The following HTT variants were observed in gnomAD, a reference collection of about 807,000 sequenced individuals.
HTT encodes huntingtin.
HTT carries 104 observed loss-of-function variants against 362.3 expected under a neutral mutation model. The observed-to-expected ratio is 0.29, with a 90% CI of 0.24 to 0.34. The LOEUF (loss-of-function observed/expected upper bound fraction) is 0.34, where lower values mean the gene tolerates loss of function less well. Ranked by LOEUF, HTT falls within the 10% of genes least tolerant of loss-of-function variation. HTT has a pLI of 1.00. For synonymous variants in HTT, 1,577 were observed against 1,548.7 expected (o/e 1.02, Z -0.43); for missense variants, 3,301 against 3,928.6 (o/e 0.84, Z 4.27).
chr4:3,188,801 G>A (rs1718885235), intron 39 of HTT, 150 bp from the exon 40 acceptor site: 1 of 686,400 alleles, frequency 1.5e-6, no homozygotes, highest in Non-Finnish European at 2.4e-6. Context: ...CTGTGTCCAC[G>A]GCGACGGCGC....
chr4:3,110,688 C>T (rs1403813068), intron 6 of HTT, among the ~76,000 whole-genome samples: 2 of 152,146 alleles, frequency 1.3e-5, no homozygotes, highest in Non-Finnish European at 2.9e-5. Context: ...AAAGTCTTTG[C>T]CCTGTTGTCT....
At chr4:3,162,589 C>G (rs1175801752) in intron 29 of HTT, among the ~76,000 whole-genome samples, 1 of 152,198 alleles carries the variant, frequency 6.6e-6, no homozygotes, top group Admixed American at 6.5e-5. Context: ...TTTGTGTCCT[C>G]TCTTATTTCC....
chr4:3,186,778 C>T (rs1290270669), intron 38 of HTT, 59 bp downstream of exon 38: 20 of 1,534,428 alleles, frequency 1.3e-5, no homozygotes, highest in African/African-American at 2.8e-5. Context: ...GCTCTGATTA[C>T]TGGGACCACC....
intron 2 of HTT, among the ~76,000 whole-genome samples, chr4:3,094,271 A>G (rs1713692376): frequency 8.5e-5 from 13 of 152,200 alleles, no homozygotes. Context: ...AGGCAGAAGA[A>G]TTTTTCTTAG....
chr4:3,181,725 A>G (rs886229282), intron 36 of HTT, among the ~76,000 whole-genome samples: 4 of 152,170 alleles, frequency 2.6e-5, no homozygotes, highest in Non-Finnish European at 5.9e-5. Context: ...GCAAAAGTAC[A>G]TGTATCATAA....
intron 6 of HTT, among the ~76,000 whole-genome samples, chr4:3,112,048 G>A (rs1057185370): frequency 6.6e-6 from 1 of 152,176 alleles, no homozygotes; most frequent in Non-Finnish European, 1.5e-5. Context: ...TTTAGCTTCC[G>A]AAGTTTTGTT....
chr4:3,222,188 G>A (rs1046561640), intron 53 of HTT, among the ~76,000 whole-genome samples, 199 bp from the exon 54 acceptor site: 6 of 152,242 alleles, frequency 3.9e-5, no homozygotes, highest in Admixed American at 3.9e-4. Flanking sequence ...TGCAGCCGAT[G>A]TCTATACTTC....
In HTT at chr4:3,130,286, G is replaced by A. The variant is rs772772880; in HGVS notation, c.1868-19G>A. ...AAGTGGAAATTTGTCACTTAATCTT[G>A]ATTTCTCTGTTTTTAAAGCCCTTCA... On this transcript the variant is annotated intron_variant, in intron 13 of 66. Coordinates refer to ENST00000355072, the MANE Select transcript of HTT (RefSeq NM_001388492.1). 5 of 1,419,610 alleles carry A rather than the reference G, an allele frequency of 3.5e-6. No individual in the cohort carries two copies. Among genetic ancestry groups the A allele is most frequent in the Non-Finnish European group, 3.9e-6 (4 of 1,032,470 alleles). 87.9% of individuals were successfully genotyped at this position (1,419,610 alleles called of 1,614,324 possible). A position where few individuals can be genotyped will look rare whatever the true frequency, so the allele number is the denominator to read the frequency against.
chr4:3,215,407 C>T (rs1312141042), intron 51 of HTT, among the ~76,000 whole-genome samples, 196 bp downstream of exon 51: 1 of 152,128 alleles, frequency 6.6e-6, no homozygotes, highest in Admixed American at 6.5e-5. Context: ...GAGTGAACAC[C>T]TTATCCGTAC....
Position 3,125,602 on chromosome 4 carries a change from T to A in HTT, c.1375T>A (p.Ser459Thr). The change falls in exon 11 of 67, where the codon TCG becomes ACG. Residue 459 changes from serine to threonine, a missense_variant. Ser to Thr is a moderately conservative substitution (Grantham distance 58, BLOSUM62 1). This residue lies in a region of HTT where 2,316 missense variants were observed against 2,658.5 expected (regional missense o/e 0.87). Transcript: ENST00000355072. ...CTTGGAGGATGACTCTGAATCGAGA[T>A]CGGATGTCAGCAGCTCTGCCTTAAC... ...EALEDDSESR[S>T]DVSSSALTAS... 6.2e-7 allele frequency: 1 copy of A among 1,613,774 alleles called. No individual in the cohort carries two copies. The highest frequency in any genetic ancestry group is 8.5e-7 in the Non-Finnish European group (1 of 1,179,662).
intron 21 of HTT, among the ~76,000 whole-genome samples, chr4:3,140,008 A>G (rs1218028912): frequency 1.3e-5 from 2 of 152,120 alleles, no homozygotes; most frequent in Non-Finnish European, 2.9e-5. Flanking sequence ...GTAATCCAGC[A>G]CTATGGGGGG....
chr4:3,217,214 A>G (rs1455987872), intron 51 of HTT, among the ~76,000 whole-genome samples: 2 of 152,086 alleles, frequency 1.3e-5, no homozygotes, highest in Non-Finnish European at 2.9e-5. Flanking sequence ...GATATTCTAG[A>G]CTCAAGACAC....
rs780172122 is a variant in HTT, at chr4:3,132,879, G to C, written c.2461G>C (p.Val821Leu). The change falls in exon 18 of 67, where the codon GTT becomes CTT. Residue 821 changes from valine to leucine, a missense_variant. By Grantham distance (32) the Val-to-Leu change is conservative (BLOSUM62 1). This residue lies in a region of HTT where 2,316 missense variants were observed against 2,658.5 expected (regional missense o/e 0.87). Coordinates refer to ENST00000355072, the MANE Select transcript of HTT (RefSeq NM_001388492.1). ...LRKTLKDESS[V>L]TCKLACTAVR... ...GAAAACACTGAAGGATGAGTCTTCT[G>C]TTACTTGCAAGTTAGCTTGTACAGC... 2.5e-6 allele frequency: 4 copies of C among 1,613,894 alleles called. No homozygotes were observed. The highest frequency in any genetic ancestry group is 2.2e-5 in the South Asian group (2 of 91,086).
chr4:3,204,054 G>A lies in HTT; in HGVS notation c.5624G>A (p.Gly1875Glu), dbSNP rs1302187006. ...STKLLSPQMS[G>E]EEEDSDLAAK... The stretch of plus-strand genomic sequence containing the variant: ...AAGTTACTTAGTCCCCAGATGTCTG[G>A]AGAAGAGGAGGATTCTGACTTGGCA... The change falls in exon 42 of 67, where the codon GGA becomes GAA. Residue 1875 changes from glycine to glutamate, a missense_variant. Gly to Glu is a moderately conservative substitution (Grantham distance 98). Around this residue, in one of 4 missense-constraint regions of HTT, gnomAD observed 2,316 missense variants for 2,658.5 expected, o/e 0.87. Coordinates refer to ENST00000355072, the MANE Select transcript of HTT (RefSeq NM_001388492.1). 4.3e-6 allele frequency: 7 copies of A among 1,614,134 alleles called. No homozygotes were observed. The highest frequency in any genetic ancestry group is 4.2e-6 in the Non-Finnish European group (5 of 1,179,950).
chr4:3,120,437 C>T (rs1715239925), intron 8 of HTT, among the ~76,000 whole-genome samples: 2 of 152,138 alleles, frequency 1.3e-5, no homozygotes, highest in South Asian at 2.1e-4. Context: ...AACCCCCAGG[C>T]TGCAGAGTGG....
intron 3 of HTT, among the ~76,000 whole-genome samples, chr4:3,102,888 G>C (rs749334837): frequency 1.3e-5 from 2 of 152,176 alleles, no homozygotes; most frequent in African/African-American, 4.8e-5. Context: ...AGCCTCACAA[G>C]TGAGCAAGGA....
At chr4:3,225,072 C>A (rs1174567668) in intron 56 of HTT, among the ~76,000 whole-genome samples, 1 of 151,730 alleles carries the variant, frequency 6.6e-6, no homozygotes, top group Non-Finnish European at 1.5e-5. Flanking sequence ...AGAGGGTTAG[C>A]TGGGGACATT....
intron 40 of HTT, among the ~76,000 whole-genome samples, chr4:3,189,684 G>A (rs923770476): frequency 6.6e-6 from 1 of 152,078 alleles, no homozygotes; most frequent in African/African-American, 2.4e-5. Context: ...GGTGATGGTT[G>A]TATAACATTA....
At chr4:3,199,649 A>AT in intron 40 of HTT, 83 bp from the exon 41 acceptor site, 2 of 1,267,392 alleles carry the variant, frequency 1.6e-6, no homozygotes, top group Non-Finnish European at 2.3e-6. Context: ...AGCCTGTTTC[A>AT]TTTTTATGTA....
Sources: gnomAD v4.1 joint callset for allele counts (sites outside exome capture counted in the v4.1 genomes callset) on GRCh38, gnomAD v4.1.1 for gene constraint, gnomAD v4.1.1 regional missense constraint, MANE v1.5 for transcripts, NCBI Gene and HGNC (gene_info 2026-07-23, HGNC 2026-07-21) for gene names.